Variants in CDK8 observed in about 807,000 individuals in gnomAD.
CDK8 encodes cyclin-dependent kinase 8.
In CDK8, 29 loss-of-function variants were observed where a neutral mutation model predicts 71.5. The ratio of observed to expected loss-of-function variants is 0.41; its 90% CI spans 0.30 to 0.55. CDK8 has a LOEUF of 0.55. CDK8 is among the 20% of genes least tolerant of loss of function. CDK8 has a pLI of 0.37. For synonymous variants in CDK8, 161 were observed against 192.1 expected (o/e 0.84, Z 1.34); for missense variants, 288 against 572.6 (o/e 0.50, Z 5.07).
intron 3 of CDK8, 141 bp from the exon 4 acceptor site, chr13:26,353,599 G>A (rs1873772218): frequency 3.0e-6 from 2 of 658,218 alleles, no homozygotes; most frequent in Admixed American, 3.1e-5. Context: ...AGTTGTTTAT[G>A]TTATTCAGCA....
intron 1 of CDK8, among the ~76,000 whole-genome samples, chr13:26,295,021 C>T (rs751048220): frequency 5.3e-5 from 8 of 152,182 alleles, no homozygotes; most frequent in Non-Finnish European, 1.5e-5. Context: ...GCTGGGATTA[C>T]AGATGTGAAC....
At chr13:26,310,752 GA>G (rs1445470148) in intron 1 of CDK8, among the ~76,000 whole-genome samples, 1 of 152,126 alleles carries the variant, frequency 6.6e-6, no homozygotes, top group African/African-American at 2.4e-5. Flanking sequence ...TTATTGGTCT[GA>G]GGCCCTGGGG....
rs967305544 is a variant in CDK8 at position 26,343,997 on chromosome 13, C to T, written c.205-5075C>T. Among the ~76,000 whole-genome samples, 7 of 152,162 alleles carry T rather than the reference C, an allele frequency of 4.6e-5. No individual in the cohort carries two copies. In the South Asian group the frequency reaches 1.5e-3, roughly 32 times the overall value. On this transcript the variant is annotated intron_variant, in intron 2 of 12. Transcript: ENST00000381527. Reference sequence around the variant, plus strand: ...TTGGTGTGGGAATGATCTCATCACCCAGATAAGGAGCATAGTTACCAACAG... The same window carrying T: ...TTGGTGTGGGAATGATCTCATCACCTAGATAAGGAGCATAGTTACCAACAG...
chr13:26,256,488 C>T (rs1412778977), intron 1 of CDK8, among the ~76,000 whole-genome samples: 1 of 152,178 alleles, frequency 6.6e-6, no homozygotes, highest in Non-Finnish European at 1.5e-5. Flanking sequence ...TATTTTTAAT[C>T]TGTGTGAGAG....
intron 1 of CDK8, among the ~76,000 whole-genome samples, chr13:26,301,727 C>A (rs1414358639): frequency 6.6e-6 from 1 of 152,170 alleles, no homozygotes; most frequent in Admixed American, 6.5e-5. Context: ...CCTTTGATTA[C>A]CTTCTTATCT....
rs1214565262 is a variant in CDK8, at chr13:26,254,497, C to T, written c.-145C>T. On this transcript the variant is annotated 5_prime_UTR_variant, in exon 1 of 13. Transcript: ENST00000381527. This position sits in a 1 kb window ranked among gnomAD's most constrained non-coding sequence, Gnocchi z 6.7. ...CGCTTTCGCGGGGCCTCCTCCTGCT[C>T]TTGCCGCATCAGTCGGGCTGGTGCT... 4.7e-6 allele frequency: 3 copies of T among 634,206 alleles called. No homozygotes were observed. The African/African-American group carries it at 5.8e-5, about 12-fold the overall frequency. The allele number at this position is 634,206 out of a possible 1,614,324, so 39.3% of individuals were successfully genotyped here. A position where few individuals can be genotyped will look rare whatever the true frequency, so the allele number is the denominator to read the frequency against.
Position 26,401,689 on chromosome 13 carries a change from A to G in CDK8, c.1269+65A>G. 1 of 1,511,456 alleles carries G rather than the reference A, an allele frequency of 6.6e-7. No individual in the cohort carries two copies. Among genetic ancestry groups the G allele is most frequent in the East Asian group, 2.3e-5 (1 of 44,272 alleles). The allele number at this position is 1,511,456 out of a possible 1,614,324, so 93.6% of individuals were successfully genotyped here. A position where few individuals can be genotyped will look rare whatever the true frequency, so the allele number is the denominator to read the frequency against. ...TTACATATGGGTTTATGATCGTGGG[A>G]AAATGTGATTTAATTGAGAAATACT... On this transcript the variant is annotated intron_variant, in intron 12 of 12. Transcript: ENST00000381527. This position sits in a 1 kb window ranked among gnomAD's most constrained non-coding sequence, Gnocchi z 4.5.
intron 4 of CDK8, among the ~76,000 whole-genome samples, chr13:26,380,065 AG>A (rs1265557631): frequency 6.6e-6 from 1 of 152,202 alleles, no homozygotes; most frequent in Non-Finnish European, 1.5e-5. Flanking sequence ...AGTGGGATGC[AG>A]GGGAAGGCAG....
chr13:26,385,434 A>T (rs1157269899), intron 6 of CDK8, 92 bp downstream of exon 6: 9 of 1,088,620 alleles, frequency 8.3e-6, no homozygotes, highest in Non-Finnish European at 1.2e-5. Context: ...TAGTATAGCA[A>T]ATTATAAAAG....
chr13:26,401,748 G>T lies in CDK8; in HGVS notation c.1269+124G>T. 8 of 993,606 alleles carry T rather than the reference G, an allele frequency of 8.1e-6. No individual in the cohort carries two copies. The highest frequency in any genetic ancestry group is 1.2e-5 in the Non-Finnish European group (8 of 659,408). The allele number at this position is 993,606 out of a possible 1,614,324, so 61.5% of individuals were successfully genotyped here. On this transcript the variant is annotated intron_variant, in intron 12 of 12. Transcript: ENST00000381527. This position sits in a 1 kb window ranked among gnomAD's most constrained non-coding sequence, Gnocchi z 4.5. ...TATACCCAGGGAAATACATTAACAT[G>T]AAATGTTACTGGCATGGAAAAGTAC... is the stretch of plus-strand genomic sequence containing the variant.
chr13:26,266,046 A>G (rs376083332), intron 1 of CDK8, among the ~76,000 whole-genome samples: 1 of 151,724 alleles, frequency 6.6e-6, no homozygotes, highest in East Asian at 1.9e-4. Flanking sequence ...TTTATTGGAT[A>G]TGATAGATGA....
At chr13:26,338,910 C>T (rs1873104821) in intron 2 of CDK8, among the ~76,000 whole-genome samples, 2 of 151,992 alleles carry the variant, frequency 1.3e-5, no homozygotes, top group Admixed American at 6.6e-5. Context: ...TGTGAAAATT[C>T]ATTGAGCTGT....
Position 26,382,748 on chromosome 13 carries a change from G to C in CDK8, c.457-66G>C, listed in dbSNP as rs1225572490. 5 of 886,272 alleles carry C rather than the reference G, an allele frequency of 5.6e-6. No homozygotes were observed. The African/African-American group carries it at 8.5e-5, about 15-fold the overall frequency. The allele number at this position is 886,272 out of a possible 1,614,324, so 54.9% of individuals were successfully genotyped here. A position where few individuals can be genotyped will look rare whatever the true frequency, so the allele number is the denominator to read the frequency against. On this transcript the variant is annotated intron_variant, in intron 4 of 12. Coordinates refer to ENST00000381527, the MANE Select transcript of CDK8 (RefSeq NM_001260.3). ...TAAAAGGTGGATTTGTGTTATATTG[G>C]CATATTGTCTATTTAAAAGAAACCA...
chr13:26,389,380 G>A (rs963967995), intron 6 of CDK8, among the ~76,000 whole-genome samples: 20 of 151,792 alleles, frequency 1.3e-4, no homozygotes, highest in Non-Finnish European at 1.8e-4. Context: ...GGCTGGTCTC[G>A]AACTCCTGAC....
intron 4 of CDK8, among the ~76,000 whole-genome samples, chr13:26,358,559 G>A (rs1873998472): frequency 2.0e-5 from 3 of 152,162 alleles, no homozygotes; most frequent in Admixed American, 2.0e-4. Context: ...AAATAATACA[G>A]CTGCTGTGGA....
chr13:26,337,176 C>G (rs1873031315), intron 1 of CDK8, among the ~76,000 whole-genome samples: 1 of 152,122 alleles, frequency 6.6e-6, no homozygotes, highest in Non-Finnish European at 1.5e-5. Flanking sequence ...GTCTTAGGGA[C>G]ACATTCATTT....
intron 1 of CDK8, among the ~76,000 whole-genome samples, chr13:26,303,088 T>G (rs1383285749): frequency 1.3e-5 from 2 of 152,132 alleles, no homozygotes; most frequent in African/African-American, 2.4e-5. Context: ...ATATTGTGTT[T>G]CCTTTCTGTT....
At chr13:26,397,321 C>A in intron 9 of CDK8, 96 bp downstream of exon 9, 1 of 711,990 alleles carries the variant, frequency 1.4e-6, no homozygotes, top group Non-Finnish European at 2.5e-6. Flanking sequence ...GGTTACTTAG[C>A]TAGCACTCAG....
At chr13:26,280,692 G>A (rs888413540) in intron 1 of CDK8, among the ~76,000 whole-genome samples, 1 of 152,102 alleles carries the variant, frequency 6.6e-6, no homozygotes, top group Non-Finnish European at 1.5e-5. Flanking sequence ...ATTGATATGC[G>A]AGATTTCCTG....
Sources: gnomAD v4.1 joint callset for allele counts (sites outside exome capture counted in the v4.1 genomes callset) on GRCh38, gnomAD v4.1.1 for gene constraint, Gnocchi (gnomAD v3.1) non-coding constraint, MANE v1.5 for transcripts, NCBI Gene and HGNC (gene_info 2026-07-23, HGNC 2026-07-21) for gene names.